Variants in ZFP90 observed in about 807,000 individuals in gnomAD.
The protein encoded by ZFP90 is zinc finger protein 90 homolog.
ZFP90 carries 38 observed loss-of-function variants against 60.8 expected under a neutral mutation model. The ratio of observed to expected loss-of-function variants is 0.62; its 90% confidence interval spans 0.48 to 0.82. ZFP90 has a LOEUF of 0.82. Ranked by LOEUF, ZFP90 falls within the 40% of genes least tolerant of loss-of-function variation. The pLI is 0.00. For missense variants in ZFP90, 711 were observed against 759.1 expected (o/e 0.94, Z 0.74); for synonymous variants, 287 against 264.8 (o/e 1.08, Z -0.82).
At chr16:68,559,695 G>C (rs1262548793) in intron 4 of ZFP90, among the ~76,000 whole-genome samples, 1 of 151,022 alleles carries the variant, frequency 6.6e-6, no homozygotes, top group East Asian at 2.0e-4. Flanking sequence ...AGCCTCCCAA[G>C]TAGCTAGGAC....
downstream of ZFP90, among the ~76,000 whole-genome samples, chr16:68,571,030 A>T (rs769943771): frequency 1.3e-5 from 2 of 152,230 alleles, no homozygotes; most frequent in African/African-American, 2.4e-5. Context: ...ACTTAGAGAC[A>T]GAAGTGTGGT....
chr16:68,536,104 A>G (rs988588774), upstream of ZFP90, among the ~76,000 whole-genome samples: 1 of 152,214 alleles, frequency 6.6e-6, no homozygotes, highest in Non-Finnish European at 1.5e-5. Context: ...CTACACAAAC[A>G]GCAGAAATTC....
rs2091532562 is a variant in ZFP90, at chr16:68,566,632, T to A, written c.*1934T>A. 3.0e-6 allele frequency: 3 copies of A among 985,552 alleles called. No individual in the cohort carries two copies. The highest frequency in any genetic ancestry group is 2.4e-6 in the Non-Finnish European group (2 of 829,920). 61.1% of individuals were successfully genotyped at this position (985,552 alleles called of 1,614,324 possible). The stretch of plus-strand genomic sequence containing the variant: ...GAGATGCTGACCATCCAAAACACCT[T>A]GTTTATGGTGCACCATGATTAGCTC... On this transcript the variant is annotated 3_prime_UTR_variant, in exon 5 of 5. Transcript: ENST00000563169.
intron 2 of ZFP90, among the ~76,000 whole-genome samples, chr16:68,554,566 G>A (rs951581802): frequency 6.6e-6 from 1 of 152,214 alleles, no homozygotes; most frequent in African/African-American, 2.4e-5. Context: ...CCCTGTCAAG[G>A]CAAGAAGTTA....
Position 68,564,334 on chromosome 16 carries a change from A to T in ZFP90, c.1547A>T (p.His516Leu). The change falls in exon 5 of 5, where the codon CAC becomes CTC. Residue 516 changes from histidine (H) to leucine (L), a missense_variant. This residue lies in a region of ZFP90 where 295 missense variants were observed against 274.0 expected (regional missense o/e 1.08). Coordinates refer to ENST00000563169, the MANE Select transcript of ZFP90 (RefSeq NM_001305203.2). ...FKRSTSFIEH[H>L]RIHTGEKPYE... is the part of the protein sequence containing the mutation. Reference sequence around the variant, plus strand: ...AGGAGTACAAGTTTCATAGAGCATCACAGAATTCATACTGGAGAGAAACCC... The same window carrying T: ...AGGAGTACAAGTTTCATAGAGCATCTCAGAATTCATACTGGAGAGAAACCC... 6.2e-7 allele frequency: 1 copy of T among 1,614,164 alleles called. No homozygotes were observed. Among genetic ancestry groups the T allele is most frequent in the East Asian group, 2.2e-5 (1 of 44,876 alleles).
chr16:68,558,464 C>T lies in ZFP90; in HGVS notation c.161-9C>T. ...AACAACCAAATCTTGTGTATTTACC[C>T]ATGAGCAGGATATCAAGTTTCCAAG... On this transcript the variant is annotated splice_polypyrimidine_tract_variant and intron_variant, in intron 3 of 4. Coordinates refer to ENST00000563169, the MANE Select transcript of ZFP90 (RefSeq NM_001305203.2). 2 of 1,612,950 alleles carry T rather than the reference C, an allele frequency of 1.2e-6. No homozygotes were observed. The highest frequency in any genetic ancestry group is 1.7e-6 in the Non-Finnish European group (2 of 1,179,164).
intron 2 of ZFP90, chr16:68,557,163 T>A (rs765912970): frequency 2.2e-6 from 1 of 453,936 alleles, no homozygotes; most frequent in South Asian, 1.6e-5. Context: ...AATTTTTTGA[T>A]CTTTTGTAGA....
chr16:68,535,320 C>G (rs569774632), upstream of ZFP90, among the ~76,000 whole-genome samples: 874 of 152,290 alleles, frequency 5.7e-3, 11 homozygotes, highest in African/African-American at 0.02. Context: ...TATCCACCAA[C>G]GCCCCTACTC....
intron 4 of ZFP90, among the ~76,000 whole-genome samples, chr16:68,561,785 C>T (rs1306761415): frequency 6.6e-6 from 1 of 152,230 alleles, no homozygotes; most frequent in East Asian, 1.9e-4. Context: ...AAAAAAATTA[C>T]AAGGCATTCT....
At chr16:68,552,281 C>T (rs1432273419) in intron 2 of ZFP90, among the ~76,000 whole-genome samples, 1 of 152,106 alleles carries the variant, frequency 6.6e-6, no homozygotes, top group Non-Finnish European at 1.5e-5. Flanking sequence ...TGTTATGTAC[C>T]AAACTGGTTC....
intron 4 of ZFP90, chr16:68,561,964 T>A (rs1282982196): frequency 6.6e-6 from 1 of 152,206 alleles, no homozygotes; most frequent in Non-Finnish European, 1.5e-5. Context: ...TTATCACATT[T>A]GTTGTTGTTA....
upstream of ZFP90, among the ~76,000 whole-genome samples, chr16:68,534,520 G>A (rs1385623552): frequency 4.0e-5 from 6 of 151,000 alleles, no homozygotes; most frequent in Admixed American, 1.3e-4. Flanking sequence ...GAGCCACTGC[G>A]CCCGGCCATT....
chr16:68,533,553 T>A (rs2090941141), intron 1 of ZFP90: 1 of 152,264 alleles, frequency 6.6e-6, no homozygotes, highest in Non-Finnish European at 1.5e-5. Flanking sequence ...GACACCCAAC[T>A]TTAATGAGTC....
At chr16:68,541,211 G>A (rs1567393464) in intron 2 of ZFP90, among the ~76,000 whole-genome samples, 1 of 151,940 alleles carries the variant, frequency 6.6e-6, no homozygotes, top group Non-Finnish European at 1.5e-5. Flanking sequence ...TAATTTTTTT[G>A]TATTTTAGTA....
chr16:68,533,505 T>TTA (rs1567387802), intron 1 of ZFP90, among the ~76,000 whole-genome samples: 1 of 152,240 alleles, frequency 6.6e-6, no homozygotes, highest in African/African-American at 2.4e-5. Flanking sequence ...CTTGTCTATA[T>TTA]ATGACTGCAT....
intron 2 of ZFP90, among the ~76,000 whole-genome samples, chr16:68,552,898 G>A (rs7195979): frequency 0.81 from 122,631 of 151,824 alleles, 49,760 homozygotes; most frequent in African/African-American, 0.89. Context: ...CTCTACAAAA[G>A]TAAAAAAAAT....
At chr16:68,567,889 G>C (rs2091546766), downstream of ZFP90, among the ~76,000 whole-genome samples, 2 of 152,126 alleles carry the variant, frequency 1.3e-5, no homozygotes, top group Admixed American at 6.5e-5. Context: ...GGTGATGCTT[G>C]GTTTTTTTAA....
At chr16:68,571,863 C>T (rs2091570284), downstream of ZFP90, among the ~76,000 whole-genome samples, 1 of 152,112 alleles carries the variant, frequency 6.6e-6, no homozygotes, top group Admixed American at 6.6e-5. Context: ...CCAGAAATGC[C>T]TTTTGAGGCA....
chr16:68,556,399 G>A lies in ZFP90; in HGVS notation c.34-1599G>A, dbSNP rs145495400. On this transcript the variant is annotated intron_variant, in intron 2 of 4. Coordinates refer to ENST00000563169, the MANE Select transcript of ZFP90 (RefSeq NM_001305203.2). The stretch of plus-strand genomic sequence containing the variant: ...GCAGTGAAAGACCTTTGACCTAGCC[G>A]TTGTAATTTTAGCTAGCGAGCCAGG... Among the ~76,000 whole-genome samples, 54 of 152,292 alleles carry A rather than the reference G, an allele frequency of 3.5e-4. 1 individual carries two copies. In the East Asian group the frequency reaches 6.4e-3, roughly 18 times the overall value.
Sources: allele counts gnomAD v4.1 joint callset (sites outside exome capture counted in the v4.1 genomes callset), GRCh38; gene constraint gnomAD v4.1.1; regional missense constraint gnomAD v4.1.1; transcripts MANE v1.5; gene names NCBI Gene and HGNC (gene_info 2026-07-23, HGNC 2026-07-21).